Variants in PTDSS1 observed in about 807,000 individuals in gnomAD.
PTDSS1 encodes the protein PSS-1.
A neutral mutation model predicts 70.5 loss-of-function variants in PTDSS1; 45 were observed. The ratio of observed to expected loss-of-function variants is 0.64; its 90% CI spans 0.50 to 0.82. PTDSS1 has a LOEUF of 0.82. Ranked by LOEUF, PTDSS1 falls within the 40% of genes least tolerant of loss-of-function variation. The pLI, the probability that PTDSS1 is intolerant of heterozygous loss-of-function variation, is 0.00. For synonymous variants in PTDSS1, 188 were observed against 203.8 expected (o/e 0.92, Z 0.66); for missense variants, 417 against 586.1 (o/e 0.71, Z 2.98).
intron 9 of PTDSS1, among the ~76,000 whole-genome samples, chr8:96,312,919 G>T (rs543823161): frequency 7.2e-5 from 11 of 152,198 alleles, no homozygotes; most frequent in Non-Finnish European, 1.6e-4. Flanking sequence ...ACTGAAGTGT[G>T]TGGTTTCCTT....
At position 96,273,337 on chromosome 8, in the gene PTDSS1, T is replaced by A; in HGVS notation, c.218T>A (p.Ile73Asn). ...SVPEDNIWRGILSVIFFFLII... is the reference protein window; with the variant it reads ...SVPEDNIWRGNLSVIFFFLII... ...CCAGAAGACAACATCTGGAGAGGCA[T>A]CCTCTCTGTTATTTTCTTCTTTCTT... The change falls in exon 2 of 13, where the codon ATC becomes AAC. Residue 73 changes from isoleucine to asparagine, a missense_variant. By Grantham distance (149) the Ile-to-Asn change is moderately radical. Transcript: ENST00000517309. The A allele has an allele frequency of 6.2e-7, 1 of 1,612,698 alleles. No individual in the cohort carries two copies. Among genetic ancestry groups the A allele is most frequent in the Non-Finnish European group, 8.5e-7 (1 of 1,179,540 alleles).
intron 2 of PTDSS1, among the ~76,000 whole-genome samples, chr8:96,282,937 A>G (rs1005448221): frequency 2.6e-4 from 39 of 151,872 alleles, no homozygotes; most frequent in African/African-American, 9.2e-4. Context: ...GAGGAAACCA[A>G]CCATATTCTG....
chr8:96,329,751 G>A (rs550827537), intron 10 of PTDSS1, among the ~76,000 whole-genome samples: 109 of 152,266 alleles, frequency 7.2e-4, no homozygotes, highest in African/African-American at 1.9e-3. Context: ...CTCTACCCTG[G>A]GAGTGTTTGT....
At chr8:96,289,929 A>G (rs1810877935) in intron 4 of PTDSS1, among the ~76,000 whole-genome samples, 1 of 152,208 alleles carries the variant, frequency 6.6e-6, no homozygotes, top group Non-Finnish European at 1.5e-5. Context: ...TTGACTTCTT[A>G]GCCTATGATG....
Position 96,306,563 on chromosome 8 carries a change from C to G in PTDSS1, c.1007+7C>G. ...TCACAGCTCCCACAGTGAGGTAATT[C>G]TGCACAAGCCTGACTGTCATATGAG... On this transcript the variant is annotated splice_region_variant and intron_variant, in intron 8 of 12. Transcript: ENST00000517309. 6.3e-7 allele frequency: 1 copy of G among 1,577,072 alleles called. No homozygotes were observed. The highest frequency in any genetic ancestry group is 8.7e-7 in the Non-Finnish European group (1 of 1,146,246).
At chr8:96,284,875 G>A (rs1457110724) in intron 3 of PTDSS1, among the ~76,000 whole-genome samples, 1 of 152,156 alleles carries the variant, frequency 6.6e-6, no homozygotes, top group East Asian at 1.9e-4. Flanking sequence ...GAGCTTCTAG[G>A]TAACTCTTAG....
At chr8:96,304,266 A>T in intron 7 of PTDSS1, 85 bp downstream of exon 7, 3 of 1,431,470 alleles carry the variant, frequency 2.1e-6, no homozygotes, top group Non-Finnish European at 1.9e-6. Flanking sequence ...ACATTAGTTT[A>T]CATTGCTTTT....
At chr8:96,272,533 G>A (rs542527264) in intron 1 of PTDSS1, among the ~76,000 whole-genome samples, 1 of 152,112 alleles carries the variant, frequency 6.6e-6, no homozygotes, top group East Asian at 1.9e-4. Context: ...TCATGAGATA[G>A]CTTGGCTTGG....
intron 5 of PTDSS1, 38 bp downstream of exon 5, chr8:96,295,294 C>T (rs761492805): frequency 2.5e-6 from 4 of 1,584,058 alleles, no homozygotes; most frequent in African/African-American, 1.4e-5. Flanking sequence ...CAGACTGTGC[C>T]ATGTGTGTAG....
At chr8:96,269,749 G>C (rs1450120308) in intron 1 of PTDSS1, among the ~76,000 whole-genome samples, 1 of 152,158 alleles carries the variant, frequency 6.6e-6, no homozygotes, top group Non-Finnish European at 1.5e-5. Flanking sequence ...TCAGGGCAAG[G>C]CTATACTAAG....
chr8:96,306,296 G>A, intron 7 of PTDSS1, 148 bp from the exon 8 acceptor site: 5 of 652,822 alleles, frequency 7.7e-6, no homozygotes, highest in Non-Finnish European at 1.3e-5. Flanking sequence ...TAACTAGTTT[G>A]AATAGCAATC....
In PTDSS1 at chr8:96,330,265, A is replaced by G. The variant is rs756721220; in HGVS notation, c.1226A>G (p.Tyr409Cys). The G allele has an allele frequency of 4.3e-6, 7 of 1,611,024 alleles. No individual in the cohort carries two copies. Among genetic ancestry groups the G allele is most frequent in the African/African-American group, 1.3e-5 (1 of 74,814 alleles). Residue 409 changes from tyrosine (Y) to cysteine (C), a missense_variant, in exon 11 of 13, where the codon TAT becomes TGT. This residue lies in a region of PTDSS1 where 107 missense variants were observed against 122.3 expected (regional missense o/e 0.88). Transcript: ENST00000517309. ...LYGMIWYAEH[Y>C]GHREKTYSEC... ...GGCATGATTTGGTATGCAGAACACT[A>G]TGGTCACCGAGAAAAGGTATGGAAG...
At chr8:96,279,198 C>T (rs1368188256) in intron 2 of PTDSS1, among the ~76,000 whole-genome samples, 1 of 150,518 alleles carries the variant, frequency 6.6e-6, no homozygotes, top group Non-Finnish European at 1.5e-5. Flanking sequence ...CCAGGCTGGT[C>T]TGGAACTCCT....
At chr8:96,299,928 G>C in intron 6 of PTDSS1, 83 bp downstream of exon 6, 2 of 1,430,506 alleles carry the variant, frequency 1.4e-6, no homozygotes, top group Non-Finnish European at 1.9e-6. Flanking sequence ...ATTTTAGTAT[G>C]ATCTTTGATG....
At chr8:96,291,276 T>C (rs1810899078) in intron 4 of PTDSS1, among the ~76,000 whole-genome samples, 1 of 152,134 alleles carries the variant, frequency 6.6e-6, no homozygotes, top group East Asian at 1.9e-4. Flanking sequence ...TTTTAGAATT[T>C]TATTATGAAA....
At chr8:96,320,191 G>A (rs1586208176) in intron 9 of PTDSS1, 55 bp from the exon 10 acceptor site, 3 of 1,435,182 alleles carry the variant, frequency 2.1e-6, no homozygotes, top group Non-Finnish European at 2.9e-6. Context: ...TTTGGATAAA[G>A]TGTATGCTCT....
At chr8:96,287,696 G>A (rs1810843700) in intron 4 of PTDSS1, among the ~76,000 whole-genome samples, 1 of 151,922 alleles carries the variant, frequency 6.6e-6, no homozygotes, top group South Asian at 2.1e-4. Flanking sequence ...GCCACAGAGA[G>A]GCCAGTAGTC....
At chr8:96,329,975 T>A (rs1207841107) in intron 10 of PTDSS1, among the ~76,000 whole-genome samples, 1 of 152,228 alleles carries the variant, frequency 6.6e-6, no homozygotes, top group Non-Finnish European at 1.5e-5. Flanking sequence ...TTGTCTTTCT[T>A]GCTTTCTGAT....
chr8:96,301,204 G>A (rs1026233587), intron 6 of PTDSS1, among the ~76,000 whole-genome samples: 2 of 151,530 alleles, frequency 1.3e-5, no homozygotes, highest in East Asian at 2.0e-4. Flanking sequence ...ATCTCGGCTC[G>A]CTGCAGCCTC....
Sources: gnomAD v4.1 joint callset for allele counts (sites outside exome capture counted in the v4.1 genomes callset) on GRCh38, gnomAD v4.1.1 for gene constraint, gnomAD v4.1.1 regional missense constraint, MANE v1.5 for transcripts, NCBI Gene and HGNC (gene_info 2026-07-23, HGNC 2026-07-21) for gene names.